Variants in BSPRY observed in about 807,000 individuals in gnomAD.
The protein encoded by BSPRY is B box and SPRY domain-containing protein.
In BSPRY, 33 loss-of-function variants were observed where a neutral mutation model predicts 38.0. The ratio of observed to expected loss-of-function variants is 0.87; its 90% CI spans 0.66 to 1.16. The LOEUF (loss-of-function observed/expected upper bound fraction) is 1.16. Ranked by LOEUF, BSPRY falls within the 50% of genes most tolerant of loss-of-function variation. BSPRY has a pLI of 0.00. For synonymous variants in BSPRY, 224 were observed against 228.5 expected, an observed-to-expected ratio of 0.98 and a Z score of 0.18; for missense variants, 523 against 533.2, an observed-to-expected ratio of 0.98 and a Z score of 0.19.
intron 2 of BSPRY, among the ~76,000 whole-genome samples, chr9:113,354,635 T>G (rs1834027882): frequency 2.6e-5 from 4 of 152,232 alleles, no homozygotes; most frequent in Admixed American, 2.6e-4. Flanking sequence ...TGCAGAATTA[T>G]AAAATAACCT....
In BSPRY at chr9:113,370,112, G is replaced by C. The variant is rs915897026; in HGVS notation, c.1179G>C (p.Val393=). 1.3e-6 allele frequency: 2 copies of C among 1,594,372 alleles called. No individual in the cohort carries two copies. The highest frequency in any genetic ancestry group is 1.7e-6 in the Non-Finnish European group (2 of 1,170,504). Residue 393 remains valine (V), a synonymous_variant, in exon 6 of 6, where the codon GTG becomes GTC. Coordinates refer to ENST00000374183, the MANE Select transcript of BSPRY (RefSeq NM_017688.3). This position sits in a 1 kb window ranked among gnomAD's most constrained non-coding sequence, Gnocchi z 4.8. The part of the protein sequence containing the change: ...FPGPLFPVFA[V]ADQTISIVR ...GGCCCCTCTTCCCAGTCTTTGCTGT[G>C]GCCGATCAGACCATTTCTATCGTCC...
In BSPRY at chr9:113,369,798, A is replaced by T; in HGVS notation, c.865A>T (p.Met289Leu). The change falls in exon 6 of 6, where the codon ATG (methionine) becomes TTG (leucine). Residue 289 changes from methionine (M) to leucine (L), a missense_variant. Met to Leu is a conservative substitution (Grantham distance 15). Transcript: ENST00000374183. The stretch of plus-strand genomic sequence containing the variant: ...CTTCCAGAATGGGCTCCATGCCTGG[A>T]TGGTGAATGTCCAGAACAGTTGTGC... ...TSFQNGLHAWMVNVQNSCAYK... is the reference protein window; with the variant it reads ...TSFQNGLHAWLVNVQNSCAYK... The T allele has an allele frequency of 6.2e-7, 1 of 1,614,228 alleles. No homozygotes were observed. Among genetic ancestry groups the T allele is most frequent in the African/African-American group, 1.3e-5 (1 of 75,074 alleles).
chr9:113,369,751 C>T lies in BSPRY; in HGVS notation c.818C>T (p.Pro273Leu). The T allele has an allele frequency of 6.2e-7, 1 of 1,614,228 alleles. No homozygotes were observed. Among genetic ancestry groups the T allele is most frequent in the Non-Finnish European group, 8.5e-7 (1 of 1,180,050 alleles). ...GGCCCGGAGCGCTTCGACCACTGGCCCAATGCCCTGGCTGCCACCTCCTTC... is the reference window on the plus strand; with the variant it reads ...GGCCCGGAGCGCTTCGACCACTGGCTCAATGCCCTGGCTGCCACCTCCTTC... ...ADGPERFDHW[P>L]NALAATSFQN... The change falls in exon 6 of 6, where the codon CCC becomes CTC. Residue 273 changes from proline to leucine, a missense_variant. Pro to Leu is a moderately conservative substitution (Grantham distance 98). Coordinates refer to ENST00000374183, the MANE Select transcript of BSPRY (RefSeq NM_017688.3).
chr9:113,367,912 CCTCGAA>C lies in BSPRY; in HGVS notation c.558-343_558-338del, dbSNP rs1244101329. Among the ~76,000 whole-genome samples the C allele has an allele frequency of 3.3e-5, 5 of 151,952 alleles. No individual in the cohort carries two copies. The East Asian group carries it at 9.7e-4, about 29-fold the overall frequency. Reference sequence around the variant, plus strand: ...GTGGCATGATCTTGGCTCACTGCAGCCTCGAACTCCTGGGCTTAAGCAATCTTCCCA... The same window carrying C: ...GTGGCATGATCTTGGCTCACTGCAGCCTCCTGGGCTTAAGCAATCTTCCCA... On this transcript the variant is annotated intron_variant, in intron 4 of 5. Transcript: ENST00000374183.
In BSPRY at chr9:113,369,730, C is replaced by T. The variant is rs371273259; in HGVS notation, c.797C>T (p.Pro266Leu). 1.5e-4 allele frequency: 236 copies of T among 1,614,090 alleles called. No homozygotes were observed. The highest frequency in any genetic ancestry group is 1.7e-4 in the Non-Finnish European group (198 of 1,180,052). Residue 266 changes from proline (P) to leucine (L), a missense_variant, in exon 6 of 6, where the codon CCG becomes CTG. Physicochemically the swap from Pro to Leu is moderately conservative, Grantham distance 98. Coordinates refer to ENST00000374183, the MANE Select transcript of BSPRY (RefSeq NM_017688.3). Reference sequence around the variant, plus strand: ...AAGTCAAAGGCCTGTGCAGATGGCCCGGAGCGCTTCGACCACTGGCCCAAT... The same window carrying T: ...AAGTCAAAGGCCTGTGCAGATGGCCTGGAGCGCTTCGACCACTGGCCCAAT... ...TKKSKACADG[P>L]ERFDHWPNAL...
intron 4 of BSPRY, among the ~76,000 whole-genome samples, chr9:113,365,735 G>GAGAA (rs751067854): frequency 1.5e-5 from 2 of 133,596 alleles, no homozygotes; most frequent in Admixed American, 7.4e-5. Context: ...GAAAGAGAAA[G>GAGAA]AGAGAGAGAG....
At chr9:113,350,291 C>T (rs1425812946) in intron 1 of BSPRY, among the ~76,000 whole-genome samples, 1 of 152,060 alleles carries the variant, frequency 6.6e-6, no homozygotes, top group Non-Finnish European at 1.5e-5. Flanking sequence ...ACTCAAAGCC[C>T]CCCTCCTCCT....
rs779873250 is a variant in BSPRY at position 113,369,701 on chromosome 9, C to T, written c.768C>T (p.Thr256=). The change falls in exon 6 of 6, where the codon ACC becomes ACT. Residue 256 remains threonine (T), a synonymous_variant. Transcript: ENST00000374183. ...ATCGAAAGACCCTGACCTTCAGCAC[C>T]AAGAAGTCAAAGGCCTGTGCAGATG... ...SDDRKTLTFS[T]KKSKACADGP... is the part of the protein sequence containing the mutation. 2 of 1,614,222 alleles carry T rather than the reference C, an allele frequency of 1.2e-6. No homozygotes were observed. Among genetic ancestry groups the T allele is most frequent in the South Asian group, 1.1e-5 (1 of 91,090 alleles).
rs1834317785 is a variant in BSPRY at position 113,369,971 on chromosome 9, G to T, written c.1038G>T (p.Gly346=). 2 of 1,614,030 alleles carry T rather than the reference G, an allele frequency of 1.2e-6. No individual in the cohort carries two copies. Among genetic ancestry groups the T allele is most frequent in the African/African-American group, 2.7e-5 (2 of 74,948 alleles). The change falls in exon 6 of 6, where the codon GGG becomes GGT. Residue 346 remains glycine, a synonymous_variant. Transcript: ENST00000374183. ...FSHNGQHEPL[G]LLRGPAQLGV... is the part of the protein sequence containing the mutation. Reference sequence around the variant, plus strand: ...ACAATGGGCAGCACGAGCCCCTGGGGCTGCTGCGGGGCCCAGCCCAGCTGG... The same window carrying T: ...ACAATGGGCAGCACGAGCCCCTGGGTCTGCTGCGGGGCCCAGCCCAGCTGG...
chr9:113,350,896 T>G (rs996609265), intron 1 of BSPRY, among the ~76,000 whole-genome samples: 1 of 152,248 alleles, frequency 6.6e-6, no homozygotes, highest in African/African-American at 2.4e-5. Context: ...CTTAAATGTC[T>G]GTCATCTCAT....
In BSPRY at chr9:113,356,534, T is replaced by A. The variant is rs961440664; in HGVS notation, c.300+2196T>A. ...AAAAAGAAAGAAACACTTTGGCTGCTATGTTTAGAAGTGATTATAGGCGGC... is the reference window on the plus strand; with the variant it reads ...AAAAAGAAAGAAACACTTTGGCTGCAATGTTTAGAAGTGATTATAGGCGGC... On this transcript the variant is annotated intron_variant, in intron 2 of 5. Coordinates refer to ENST00000374183, the MANE Select transcript of BSPRY (RefSeq NM_017688.3). 4.0e-5 allele frequency among the ~76,000 whole-genome samples: 6 copies of A among 151,850 alleles called. No individual in the cohort carries two copies. In the South Asian group the frequency reaches 6.2e-4, roughly 16 times the overall value.
rs374732028 is a variant in BSPRY, at chr9:113,369,818, T to C, written c.885T>C (p.Ser295=). The C allele has an allele frequency of 1.5e-4, 250 of 1,614,086 alleles. No individual in the cohort carries two copies. The highest frequency in any genetic ancestry group is 2.0e-4 in the Non-Finnish European group (238 of 1,180,018). The part of the protein sequence containing the change: ...LHAWMVNVQN[S]CAYKVGVASG... ...CCTGGATGGTGAATGTCCAGAACAG[T>C]TGTGCCTATAAGGTGGGCGTGGCTT... Residue 295 remains serine (S), a synonymous_variant, in exon 6 of 6, where the codon AGT becomes AGC. Transcript: ENST00000374183.
chr9:113,349,768 C>G lies in BSPRY; in HGVS notation c.189C>G (p.Ala63=). 3 of 1,233,872 alleles carry G rather than the reference C, an allele frequency of 2.4e-6. No individual in the cohort carries two copies. Among genetic ancestry groups the G allele is most frequent in the South Asian group, 6.9e-5 (2 of 29,004 alleles). The allele number at this position is 1,233,872 out of a possible 1,614,324, so 76.4% of individuals were successfully genotyped here. Residue 63 remains alanine (A), a synonymous_variant, in exon 1 of 6, where the codon GCC becomes GCG. Transcript: ENST00000374183. ...GCATCCGCCGGGCGGAGGAGCGCGC[C>G]GAGGAGCTGCGGGTGAGCGGGTGTG... ...GHRIRRAEER[A]EELRNKIVDQ...
intron 2 of BSPRY, among the ~76,000 whole-genome samples, chr9:113,359,761 A>C (rs781301420): frequency 1.6e-4 from 24 of 152,206 alleles, no homozygotes; most frequent in Non-Finnish European, 2.6e-4. Context: ...CTGGGTGGGC[A>C]CAGTGGCTCA....
intron 4 of BSPRY, among the ~76,000 whole-genome samples, chr9:113,365,468 C>G (rs746193452): frequency 3.9e-5 from 6 of 152,312 alleles, no homozygotes; most frequent in South Asian, 2.1e-4. Flanking sequence ...TCAAGCTGGA[C>G]CCTGTGTCCT....
At chr9:113,359,766 G>A (rs1389395088) in intron 2 of BSPRY, among the ~76,000 whole-genome samples, 1 of 152,054 alleles carries the variant, frequency 6.6e-6, no homozygotes, top group African/African-American at 2.4e-5. Flanking sequence ...TGGGCACAGT[G>A]GCTCATGCCT....
At chr9:113,360,827 T>A (rs1219874569) in intron 3 of BSPRY, 90 bp downstream of exon 3, 2 of 1,133,660 alleles carry the variant, frequency 1.8e-6, no homozygotes, top group African/African-American at 3.1e-5. Context: ...ATGAGGAGGG[T>A]GGAAATGAGA....
chr9:113,369,399 A>G (rs3789255), intron 5 of BSPRY, among the ~76,000 whole-genome samples: 19,286 of 152,246 alleles, frequency 0.13, 1,530 homozygotes, highest in East Asian at 0.3. Flanking sequence ...GAGCACTTAC[A>G]TGCTGGGCAC....
At chr9:113,365,754 T>A (rs539108691) in intron 4 of BSPRY, among the ~76,000 whole-genome samples, 50,359 of 139,892 alleles carry the variant, frequency 0.36, 9,671 homozygotes, top group African/African-American at 0.57. Flanking sequence ...AGAGAGAGTG[T>A]GTGTGTGTGT....
Sources: gnomAD v4.1 joint callset for allele counts (sites outside exome capture counted in the v4.1 genomes callset) on GRCh38, gnomAD v4.1.1 for gene constraint, Gnocchi (gnomAD v3.1) non-coding constraint, MANE v1.5 for transcripts, NCBI Gene and HGNC (gene_info 2026-07-23, HGNC 2026-07-21) for gene names.